RARB: variants seen among roughly 807,000 people sequenced by gnomAD.
RARB encodes HBV-activated protein.
In RARB, 17 loss-of-function variants were observed where a neutral mutation model predicts 51.9. The ratio of observed to expected loss-of-function variants is 0.33; its 90% confidence interval spans 0.22 to 0.49. The LOEUF is 0.49. Among genes scored for constraint, RARB ranks in the 20% least tolerant of loss-of-function variants. The pLI is 0.99. For missense variants in RARB, 369 were observed against 550.8 expected (o/e 0.67, Z 3.30); for synonymous variants, 215 against 195.4 (o/e 1.10, Z -0.84).
At chr3:24,981,136 G>C (rs1696658224) in intron 2 of RARB, among the ~76,000 whole-genome samples, 1 of 152,160 alleles carries the variant, frequency 6.6e-6, no homozygotes, top group South Asian at 2.1e-4. Context: ...TCCTTCTTAT[G>C]GAAGCTTCGT....
At chr3:25,105,362 C>T (rs1407716154) in intron 3 of RARB, among the ~76,000 whole-genome samples, 2 of 139,050 alleles carry the variant, frequency 1.4e-5, no homozygotes, top group Admixed American at 1.5e-4. Flanking sequence ...TTTGATAGCA[C>T]TTTTAAAAAA....
intron 2 of RARB, among the ~76,000 whole-genome samples, chr3:24,860,635 C>A (rs994692397): frequency 1.4e-5 from 2 of 146,858 alleles, no homozygotes; most frequent in Non-Finnish European, 2.9e-5. Context: ...AGAAAAAAAC[C>A]CTTTACAGAA....
Position 25,364,161 on chromosome 3 carries a change from T to G in RARB, c.179-97032T>G, listed in dbSNP as rs141046268. On this transcript the variant is annotated intron_variant, in intron 5 of 11. Transcript: ENST00000383772. ...TTTATTTTGTGATTTATTATCCAGA[T>G]TCTTCTGTTAGAATCTGAATTCCAA... is the stretch of plus-strand genomic sequence containing the variant. 2.2e-3 allele frequency among the ~76,000 whole-genome samples: 338 copies of G among 152,354 alleles called. 2 individuals are homozygous for G. The highest frequency in any genetic ancestry group is 7.9e-3 in the African/African-American group (330 of 41,578).
intron 5 of RARB, among the ~76,000 whole-genome samples, chr3:25,347,976 G>A (rs1188703350): frequency 1.3e-5 from 2 of 152,096 alleles, no homozygotes; most frequent in Non-Finnish European, 2.9e-5. Flanking sequence ...ATTCCTTGAG[G>A]GCAATACTGG....
chr3:24,871,817 C>A (rs941728233), intron 2 of RARB, among the ~76,000 whole-genome samples: 4 of 152,286 alleles, frequency 2.6e-5, no homozygotes, highest in South Asian at 2.1e-4. Context: ...CTAATCAGAA[C>A]AAAACCTTGG....
At chr3:25,276,370 A>T (rs570626165) in intron 5 of RARB, among the ~76,000 whole-genome samples, 1 of 152,306 alleles carries the variant, frequency 6.6e-6, no homozygotes, top group South Asian at 2.1e-4. Context: ...ATCATTATAC[A>T]ATGTATACCT....
At chr3:25,039,528 G>A (rs1316198894) in intron 2 of RARB, among the ~76,000 whole-genome samples, 1 of 152,172 alleles carries the variant, frequency 6.6e-6, no homozygotes, top group Admixed American at 6.5e-5. Context: ...AGATAGGTAT[G>A]ATCCTAGAGT....
intron 2 of RARB, among the ~76,000 whole-genome samples, chr3:24,904,885 C>A (rs923541648): frequency 2.0e-5 from 3 of 152,156 alleles, no homozygotes; most frequent in Admixed American, 1.3e-4. Flanking sequence ...AGCTGGAAAC[C>A]ATCATTCTCA....
chr3:24,839,130 A>G (rs1702383908), intron 1 of RARB, among the ~76,000 whole-genome samples: 1 of 152,172 alleles, frequency 6.6e-6, no homozygotes, highest in Non-Finnish European at 1.5e-5. Context: ...ATTGACAAAG[A>G]TACTAATTTA....
chr3:24,902,978 A>G (rs912730523), intron 2 of RARB, among the ~76,000 whole-genome samples: 3 of 152,182 alleles, frequency 2.0e-5, no homozygotes, highest in Non-Finnish European at 2.9e-5. Flanking sequence ...TTCAAAATAT[A>G]TTGAGAGAAA....
At chr3:25,557,480 A>G (rs1700108395) in intron 3 of RARB, among the ~76,000 whole-genome samples, 1 of 152,134 alleles carries the variant, frequency 6.6e-6, no homozygotes, top group African/African-American at 2.4e-5. Flanking sequence ...CACACACTGG[A>G]TAACTCCACT....
At chr3:25,467,364 C>G (rs1695482457) in intron 2 of RARB, among the ~76,000 whole-genome samples, 1 of 152,228 alleles carries the variant, frequency 6.6e-6, no homozygotes, top group Admixed American at 6.5e-5. Context: ...GCCAGGTGGT[C>G]TAGGACGGTC....
At chr3:25,224,653 G>A (rs1702015018) in intron 5 of RARB, among the ~76,000 whole-genome samples, 1 of 152,082 alleles carries the variant, frequency 6.6e-6, no homozygotes, top group Admixed American at 6.6e-5. Flanking sequence ...TTTTGCTCAG[G>A]CTGGAGTGCA....
chr3:25,328,347 C>T (rs773717711), intron 5 of RARB, among the ~76,000 whole-genome samples: 7 of 152,216 alleles, frequency 4.6e-5, no homozygotes, highest in Non-Finnish European at 8.8e-5. Context: ...GGGCAAAACC[C>T]CATCTTTACT....
intron 2 of RARB, among the ~76,000 whole-genome samples, chr3:25,054,264 T>C (rs982409751): frequency 2.0e-5 from 3 of 152,146 alleles, no homozygotes; most frequent in Admixed American, 2.0e-4. Context: ...GACAGGGAAG[T>C]TGGCTAAGCA....
intron 5 of RARB, among the ~76,000 whole-genome samples, chr3:25,366,527 G>T (rs916645601): frequency 1.3e-5 from 2 of 151,500 alleles, no homozygotes; most frequent in African/African-American, 2.4e-5. Flanking sequence ...AAGATTCCTA[G>T]AAAACTGATG....
chr3:24,918,188 C>T (rs1226410569), intron 2 of RARB, among the ~76,000 whole-genome samples: 2 of 152,156 alleles, frequency 1.3e-5, no homozygotes, highest in Non-Finnish European at 2.9e-5. Context: ...AAAAACGGTA[C>T]CTCCGTACAA....
chr3:25,334,876 G>A (rs1403445794), intron 5 of RARB, among the ~76,000 whole-genome samples: 3 of 152,106 alleles, frequency 2.0e-5, no homozygotes, highest in African/African-American at 7.2e-5. Context: ...ATTCATCATG[G>A]CTTCATTCAA....
chr3:25,186,885 CTGTGTGTG>C (rs71057702), intron 5 of RARB, among the ~76,000 whole-genome samples: 1,872 of 114,272 alleles, frequency 0.016, 9 homozygotes, highest in Middle Eastern at 0.025. Flanking sequence ...AAAGGTAAGC[CTGTGTGTG>C]TGTGTGTGTG....
Sources: gnomAD v4.1 joint callset for allele counts (sites outside exome capture counted in the v4.1 genomes callset) on GRCh38, gnomAD v4.1.1 for gene constraint, MANE v1.5 for transcripts, NCBI Gene and HGNC (gene_info 2026-07-23, HGNC 2026-07-21) for gene names.